The following ABCC1 variants were observed in gnomAD, a reference collection of about 807,000 sequenced individuals.
The protein encoded by ABCC1 is multidrug resistance-associated protein 1.
ABCC1 carries 83 observed loss-of-function variants against 172.9 expected under a neutral mutation model. The observed-to-expected ratio is 0.48, with a 90% CI of 0.40 to 0.58. The LOEUF is 0.58. ABCC1 is among the 20% of genes least tolerant of loss of function. ABCC1 has a pLI of 0.00. For missense variants in ABCC1, 1,817 were observed against 2,002.7 expected, an observed-to-expected ratio of 0.91 and a Z score of 1.77; for synonymous variants, 937 against 825.2, an observed-to-expected ratio of 1.14 and a Z score of -2.32.
At chr16:15,998,650 A>C (rs1436674767) in intron 1 of ABCC1, among the ~76,000 whole-genome samples, 1 of 152,166 alleles carries the variant, frequency 6.6e-6, no homozygotes, top group Non-Finnish European at 1.5e-5. Flanking sequence ...GGCTCTGAGC[A>C]GGAAGCTAGC....
At chr16:15,997,348 C>G (rs2047093000) in intron 1 of ABCC1, among the ~76,000 whole-genome samples, 1 of 152,178 alleles carries the variant, frequency 6.6e-6, no homozygotes, top group African/African-American at 2.4e-5. Flanking sequence ...GCCTTGGCCT[C>G]TGAAAGTGCT....
chr16:15,981,482 C>T (rs2046619005), intron 1 of ABCC1, among the ~76,000 whole-genome samples: 2 of 152,214 alleles, frequency 1.3e-5, no homozygotes, highest in African/African-American at 2.4e-5. Context: ...CTCAATACCA[C>T]ATGGAATCTC....
rs773383703 is a variant in ABCC1 at position 16,124,928 on chromosome 16, G to A, written c.3717+13G>A. ...TTACTCATTGCAGGTAAGAGGGGAT[G>A]CTCTTGGCTGGATTATTAAAGTCTG... On this transcript the variant is annotated intron_variant, in intron 25 of 30. Transcript: ENST00000399410. 8 of 1,614,160 alleles carry A rather than the reference G, an allele frequency of 5.0e-6. No individual in the cohort carries two copies. The highest frequency in any genetic ancestry group is 1.6e-4 in the Middle Eastern group (1 of 6,062).
chr16:16,108,806 C>G (rs2052260337), intron 21 of ABCC1, among the ~76,000 whole-genome samples: 1 of 151,736 alleles, frequency 6.6e-6, no homozygotes, highest in Non-Finnish European at 1.5e-5. Context: ...CCCTGTCGCC[C>G]AGACTGGTCT....
chr16:15,996,352 G>A (rs927613549), intron 1 of ABCC1, among the ~76,000 whole-genome samples: 2 of 152,122 alleles, frequency 1.3e-5, no homozygotes, highest in African/African-American at 4.8e-5. Flanking sequence ...TGAAATTCCT[G>A]GCCTCAAACT....
intron 17 of ABCC1, 105 bp downstream of exon 17, chr16:16,083,647 C>A (rs147268236): frequency 1.2e-5 from 17 of 1,450,630 alleles, no homozygotes; most frequent in Non-Finnish European, 1.6e-5. Flanking sequence ...TCAGCTGACC[C>A]GGCAGGGCTC....
intron 12 of ABCC1, among the ~76,000 whole-genome samples, chr16:16,062,089 A>G (rs938456628): frequency 1.3e-5 from 2 of 152,142 alleles, no homozygotes; most frequent in Non-Finnish European, 2.9e-5. Context: ...GCATTTTGAA[A>G]GGTCTTGTCT....
At chr16:16,121,081 A>G (rs1440640532) in intron 23 of ABCC1, among the ~76,000 whole-genome samples, 1 of 152,206 alleles carries the variant, frequency 6.6e-6, no homozygotes, top group Non-Finnish European at 1.5e-5. Flanking sequence ...GACATCATGC[A>G]TATCTATATG....
At chr16:16,000,189 C>T (rs1285213347) in intron 1 of ABCC1, among the ~76,000 whole-genome samples, 1 of 151,090 alleles carries the variant, frequency 6.6e-6, no homozygotes, top group African/African-American at 2.4e-5. Context: ...CTCTGTTGCC[C>T]AGGTTGGAGT....
intron 1 of ABCC1, among the ~76,000 whole-genome samples, chr16:15,971,814 A>G (rs1370426967): frequency 6.6e-6 from 1 of 152,082 alleles, no homozygotes; most frequent in East Asian, 1.9e-4. Context: ...TGAGTGGGGG[A>G]ACACCAGGGT....
chr16:16,097,485 G>A (rs2051534355), intron 19 of ABCC1, among the ~76,000 whole-genome samples: 1 of 152,208 alleles, frequency 6.6e-6, no homozygotes, highest in Non-Finnish European at 1.5e-5. Context: ...TAGACACTCA[G>A]TAAATGTGTT....
chr16:16,125,216 G>T (rs2045377292), intron 25 of ABCC1, among the ~76,000 whole-genome samples: 1 of 152,180 alleles, frequency 6.6e-6, no homozygotes, highest in Admixed American at 6.5e-5. Flanking sequence ...TGCTTTAGCT[G>T]CATCTCACAA....
chr16:16,098,429 G>C (rs1035003017), intron 19 of ABCC1: 1 of 241,696 alleles, frequency 4.1e-6, no homozygotes, highest in African/African-American at 2.2e-5. Context: ...GACCAGCCTG[G>C]CCAACATGGC....
intron 7 of ABCC1, among the ~76,000 whole-genome samples, chr16:16,041,011 T>TC (rs1191821942): frequency 2.6e-5 from 4 of 151,972 alleles, no homozygotes; most frequent in Admixed American, 1.3e-4. Context: ...CACTGCAACC[T>TC]CCATCTCCTA....
At chr16:16,069,646 A>G (rs1471820499) in intron 13 of ABCC1, among the ~76,000 whole-genome samples, 1 of 152,170 alleles carries the variant, frequency 6.6e-6, no homozygotes, top group Non-Finnish European at 1.5e-5. Context: ...AAAACAAAAA[A>G]ATCCATTTTA....
intron 15 of ABCC1, among the ~76,000 whole-genome samples, chr16:16,077,390 T>A (rs1567378173): frequency 6.6e-6 from 1 of 152,224 alleles, no homozygotes; most frequent in Non-Finnish European, 1.5e-5. Context: ...GTAGCTGTTC[T>A]GTCTTGTTGA....
intron 1 of ABCC1, among the ~76,000 whole-genome samples, chr16:15,996,509 C>T (rs897830811): frequency 6.6e-6 from 1 of 152,190 alleles, no homozygotes; most frequent in African/African-American, 2.4e-5. Context: ...TCCTCATTAC[C>T]TCCCATCAGT....
At chr16:16,071,313 G>A (rs1267025446) in intron 13 of ABCC1, among the ~76,000 whole-genome samples, 1 of 150,450 alleles carries the variant, frequency 6.6e-6, no homozygotes, top group African/African-American at 2.5e-5. Context: ...GGCCAGGCTG[G>A]TCTCAAACTC....
At chr16:16,112,216 A>G (rs916852358) in intron 22 of ABCC1, among the ~76,000 whole-genome samples, 2 of 151,980 alleles carry the variant, frequency 1.3e-5, no homozygotes, top group Non-Finnish European at 2.9e-5. Flanking sequence ...AATAAACTAC[A>G]GGTCACGTGG....
Sources: allele counts gnomAD v4.1 joint callset (sites outside exome capture counted in the v4.1 genomes callset), GRCh38; gene constraint gnomAD v4.1.1; transcripts MANE v1.5; gene names NCBI Gene and HGNC (gene_info 2026-07-23, HGNC 2026-07-21).